The following ASTN2 variants were observed in gnomAD, a reference collection of about 807,000 sequenced individuals.
ASTN2 encodes astrotactin-2.
ASTN2 carries 54 observed loss-of-function variants against 139.8 expected under a neutral mutation model. The observed-to-expected ratio is 0.39, with a 90% CI of 0.31 to 0.48. The LOEUF is 0.48. ASTN2 is among the 20% of genes least tolerant of loss of function. The probability of loss-of-function intolerance (pLI) is 0.95; values close to 1 mark genes in which losing one functional copy is unlikely to be tolerated. For synonymous variants in ASTN2, 756 were observed against 719.5 expected, an observed-to-expected ratio of 1.05 and a Z score of -0.81; for missense variants, 1,565 against 1,725.1, an observed-to-expected ratio of 0.91 and a Z score of 1.64.
intron 19 of ASTN2, among the ~76,000 whole-genome samples, chr9:116,603,459 G>A (rs1354472461): frequency 2.0e-5 from 3 of 152,296 alleles, no homozygotes; most frequent in Admixed American, 6.5e-5. Context: ...CACTGGAGAT[G>A]AGCAGATCAA....
rs7860032 is a variant in ASTN2, at chr9:116,802,062, G to A, written c.2396+3570C>T. On this transcript the variant is annotated intron_variant, in intron 13 of 22. Coordinates refer to ENST00000313400, the MANE Select transcript of ASTN2 (RefSeq NM_001365068.1). ...GTCAGTCCTAGGCCAGCCTTTAAGGGGCCATGTTCTTTCTTTCTTTCTTTT... is the reference window on the plus strand; with the variant it reads ...GTCAGTCCTAGGCCAGCCTTTAAGGAGCCATGTTCTTTCTTTCTTTCTTTT... Among the ~76,000 whole-genome samples the A allele has an allele frequency of 1.7e-4, 25 of 149,494 alleles. 1 individual carries two copies. The highest frequency in any genetic ancestry group is 1.3e-3 in the Admixed American group (20 of 15,016).
intron 14 of ASTN2, among the ~76,000 whole-genome samples, chr9:116,729,341 C>T (rs1390187105): frequency 6.6e-6 from 1 of 152,210 alleles, no homozygotes; most frequent in Non-Finnish European, 1.5e-5. Flanking sequence ...GCAAGAGCAA[C>T]CTCAGGTCAG....
At chr9:116,622,882 CAGA>C (rs1588098927) in intron 17 of ASTN2, among the ~76,000 whole-genome samples, 1 of 152,208 alleles carries the variant, frequency 6.6e-6, no homozygotes, top group Non-Finnish European at 1.5e-5. Flanking sequence ...TAGCCAGCAC[CAGA>C]AGGAGGCACT....
intron 5 of ASTN2, among the ~76,000 whole-genome samples, chr9:117,078,403 C>A (rs759027512): frequency 2.0e-5 from 3 of 152,064 alleles, no homozygotes; most frequent in African/African-American, 4.8e-5. Flanking sequence ...TCTTTTGTAT[C>A]CCAAAGCCAT....
At chr9:116,934,019 T>G (rs1834995021) in intron 10 of ASTN2, among the ~76,000 whole-genome samples, 2 of 136,132 alleles carry the variant, frequency 1.5e-5, no homozygotes, top group South Asian at 2.4e-4. Flanking sequence ...CAAGGGCAGG[T>G]CTGGGGAGTA....
At chr9:116,611,389 A>G (rs1855532214) in intron 19 of ASTN2, 1 of 152,124 alleles carries the variant, frequency 6.6e-6, no homozygotes, top group Admixed American at 6.5e-5. Flanking sequence ...AAGTAAGCCA[A>G]ACAAAGAAAA....
At chr9:116,754,623 G>C (rs1311848083) in intron 13 of ASTN2, among the ~76,000 whole-genome samples, 1 of 152,156 alleles carries the variant, frequency 6.6e-6, no homozygotes, top group Non-Finnish European at 1.5e-5. Context: ...TTGAGTAGTT[G>C]TGGGAGAGCC....
chr9:116,771,439 C>T (rs1829951110), intron 13 of ASTN2, among the ~76,000 whole-genome samples: 1 of 152,120 alleles, frequency 6.6e-6, no homozygotes, highest in Non-Finnish European at 1.5e-5. Flanking sequence ...ATTCTTATAA[C>T]ATGTATCAAA....
intron 10 of ASTN2, among the ~76,000 whole-genome samples, chr9:116,937,094 C>T (rs371117638): frequency 6.4e-4 from 98 of 152,286 alleles, no homozygotes; most frequent in African/African-American, 2.1e-3. Context: ...GGACAACAAC[C>T]TTGATTTCCC....
At chr9:117,188,512 A>C (rs1232845269) in intron 3 of ASTN2, among the ~76,000 whole-genome samples, 1 of 152,100 alleles carries the variant, frequency 6.6e-6, no homozygotes, top group Non-Finnish European at 1.5e-5. Flanking sequence ...AATAGCAGCT[A>C]AGGGAGCAAG....
intron 16 of ASTN2, among the ~76,000 whole-genome samples, chr9:116,687,990 C>G (rs1469815828): frequency 2.0e-5 from 3 of 151,874 alleles, no homozygotes; most frequent in Non-Finnish European, 4.4e-5. Flanking sequence ...GTGAAGGCAG[C>G]ACATGACATT....
intron 13 of ASTN2, among the ~76,000 whole-genome samples, chr9:116,742,955 A>C (rs1038230700): frequency 1.3e-5 from 2 of 152,064 alleles, no homozygotes; most frequent in South Asian, 2.1e-4. Context: ...CTCTCAAAAA[A>C]CTACCCAAGA....
At chr9:116,941,594 GAAA>G (rs780480219) in intron 10 of ASTN2, among the ~76,000 whole-genome samples, 1 of 80,710 alleles carries the variant, frequency 1.2e-5, no homozygotes, top group Admixed American at 1.4e-4. Context: ...TTAAGCTACA[GAAA>G]AAAAAAAAAA....
chr9:116,781,408 T>C (rs192039779), intron 13 of ASTN2, among the ~76,000 whole-genome samples: 16 of 152,250 alleles, frequency 1.1e-4, no homozygotes, highest in Non-Finnish European at 1.9e-4. Flanking sequence ...CAAGTAGGCA[T>C]ATAGGATGTT....
Position 116,699,593 on chromosome 9 carries a change from C to T in ASTN2, c.2806+26178G>A. 1 of 1,614,212 alleles carries T rather than the reference C, an allele frequency of 6.2e-7. No homozygotes were observed. On this transcript the variant is annotated intron_variant, in intron 16 of 22. Coordinates refer to ENST00000313400, the MANE Select transcript of ASTN2 (RefSeq NM_001365068.1). The surrounding 1 kb of genome is among the most constrained non-coding windows in gnomAD (Gnocchi z 4.2). ...GTGTCCTTATTCGAGAGGGACTTACCTGTCCGGTGGGCATAGCCCTAACTC... is the reference window on the plus strand; with the variant it reads ...GTGTCCTTATTCGAGAGGGACTTACTTGTCCGGTGGGCATAGCCCTAACTC...
intron 19 of ASTN2, among the ~76,000 whole-genome samples, chr9:116,527,661 T>G (rs1851151524): frequency 6.6e-6 from 1 of 152,148 alleles, no homozygotes; most frequent in Admixed American, 6.5e-5. Context: ...TATGATATAG[T>G]TTGGCTCTGT....
At chr9:116,931,502 C>A (rs1246036569) in intron 10 of ASTN2, among the ~76,000 whole-genome samples, 1 of 152,160 alleles carries the variant, frequency 6.6e-6, no homozygotes, top group Non-Finnish European at 1.5e-5. Flanking sequence ...TACTTTGCAA[C>A]TTTGTGGGGG....
At position 117,175,085 on chromosome 9, in the gene ASTN2, C is replaced by A. The variant is rs1047595101; in HGVS notation, c.1016-33607G>T. Among the ~76,000 whole-genome samples the A allele has an allele frequency of 8.6e-5, 13 of 151,742 alleles. 1 individual carries two copies. The highest frequency in any genetic ancestry group is 7.9e-4 in the Admixed American group (12 of 15,234). On this transcript the variant is annotated intron_variant, in intron 3 of 22. Transcript: ENST00000313400. ...TGAAAATTTAAAAAAAATCTAGAGGCTAAAAGTAATAAAATAATCACATCT... is the reference window on the plus strand; with the variant it reads ...TGAAAATTTAAAAAAAATCTAGAGGATAAAAGTAATAAAATAATCACATCT...
At position 116,698,742 on chromosome 9, in the gene ASTN2, G is replaced by C. The variant is rs753733923; in HGVS notation, c.2806+27029C>G. On this transcript the variant is annotated intron_variant, in intron 16 of 22. Transcript: ENST00000313400. The surrounding 1 kb of genome is among the most constrained non-coding windows in gnomAD (Gnocchi z 4.4). The stretch of plus-strand genomic sequence containing the variant: ...GGACATGAGCCCGGAGGAAGTGGTT[G>C]CCAGCCCTAGGGCCTCACCTGCTAA... The C allele has an allele frequency of 1.2e-6, 2 of 1,614,160 alleles. No homozygotes were observed. The highest frequency in any genetic ancestry group is 1.7e-5 in the Admixed American group (1 of 60,028).
Sources: allele counts gnomAD v4.1 joint callset (sites outside exome capture counted in the v4.1 genomes callset), GRCh38; gene constraint gnomAD v4.1.1; non-coding constraint Gnocchi (gnomAD v3.1); transcripts MANE v1.5; gene names NCBI Gene and HGNC (gene_info 2026-07-23, HGNC 2026-07-21).